DTNB: variants seen among roughly 807,000 people sequenced by gnomAD.
DTNB encodes the protein DTN-B.
A neutral mutation model predicts 90.7 loss-of-function variants in DTNB; 63 were observed. The observed-to-expected ratio is 0.69, with a 90% CI of 0.57 to 0.86. The LOEUF is 0.86. Among genes scored for constraint, DTNB ranks in the 40% least tolerant of loss-of-function variants. The probability of loss-of-function intolerance (pLI) is 0.00; values close to 1 mark genes in which losing one functional copy is unlikely to be tolerated. For synonymous variants in DTNB, 277 were observed against 286.7 expected (o/e 0.97, Z 0.34); for missense variants, 744 against 807.1 (o/e 0.92, Z 0.95).
intron 9 of DTNB, chr2:25,497,266 C>T (rs1412891406): frequency 6.6e-6 from 1 of 152,212 alleles, no homozygotes; most frequent in Non-Finnish European, 1.5e-5. Context: ...AGTGTAGGTA[C>T]TGCTCATTGG....
At chr2:25,436,154 G>A (rs1323528023) in intron 12 of DTNB, among the ~76,000 whole-genome samples, 2 of 152,316 alleles carry the variant, frequency 1.3e-5, no homozygotes, top group South Asian at 2.1e-4. Flanking sequence ...GGCCAACATG[G>A]TGAAACCTTG....
intron 4 of DTNB, 24 bp downstream of exon 4, chr2:25,628,147 C>G (rs372348646): frequency 3.7e-6 from 6 of 1,603,804 alleles, no homozygotes; most frequent in South Asian, 3.3e-5. Flanking sequence ...ATGAAGTAAG[C>G]GTGTAAGGTA....
intron 14 of DTNB, among the ~76,000 whole-genome samples, chr2:25,430,135 A>G (rs1042294379): frequency 1.3e-5 from 2 of 152,168 alleles, no homozygotes; most frequent in Non-Finnish European, 2.9e-5. Flanking sequence ...TAGGTATTAT[A>G]TATGTAAAAT....
At chr2:25,565,039 T>A (rs866699149) in intron 8 of DTNB, among the ~76,000 whole-genome samples, 6 of 152,212 alleles carry the variant, frequency 3.9e-5, no homozygotes, top group African/African-American at 1.4e-4. Flanking sequence ...TACAAGATCA[T>A]GTCATCTGTG....
At chr2:25,567,120 C>T (rs2059158156) in intron 8 of DTNB, among the ~76,000 whole-genome samples, 2 of 152,150 alleles carry the variant, frequency 1.3e-5, no homozygotes, top group African/African-American at 4.8e-5. Flanking sequence ...TATGTCTTAG[C>T]TCTTGCTTGC....
intron 3 of DTNB, among the ~76,000 whole-genome samples, chr2:25,638,373 A>G (rs1317586083): frequency 6.6e-6 from 1 of 152,240 alleles, no homozygotes; most frequent in Non-Finnish European, 1.5e-5. Flanking sequence ...ATAAATAAAT[A>G]AAAACTAAAA....
At chr2:25,671,687 ACT>A (rs890904879) in intron 1 of DTNB, among the ~76,000 whole-genome samples, 2 of 151,994 alleles carry the variant, frequency 1.3e-5, no homozygotes, top group African/African-American at 4.8e-5. Context: ...ACATCCAAAA[ACT>A]CTGCCAGCAC....
At chr2:25,633,667 C>G (rs2076301400) in intron 3 of DTNB, among the ~76,000 whole-genome samples, 1 of 151,420 alleles carries the variant, frequency 6.6e-6, no homozygotes, top group South Asian at 2.1e-4. Flanking sequence ...GCTGCCCAGT[C>G]TGGAAAATGA....
At chr2:25,578,875 A>G (rs1299903697) in intron 7 of DTNB, among the ~76,000 whole-genome samples, 2 of 152,212 alleles carry the variant, frequency 1.3e-5, no homozygotes, top group African/African-American at 2.4e-5. Flanking sequence ...AAACCAAAAA[A>G]AAACCATAAA....
chr2:25,607,431 T>C, intron 4 of DTNB, 110 bp from the exon 5 acceptor site: 2 of 1,010,680 alleles, frequency 2.0e-6, no homozygotes, highest in South Asian at 4.4e-5. Context: ...CCTTGTCTGT[T>C]ACAATTTTAC....
At chr2:25,526,395 A>ATATATATATATATTTTTTT in intron 9 of DTNB, among the ~76,000 whole-genome samples, 7 of 49,828 alleles carry the variant, frequency 1.4e-4, no homozygotes, top group East Asian at 7.6e-4. Context: ...ATATATATAT[A>ATATATATATATATTTTTTT]TTTTTTTTTT....
chr2:25,572,205 C>T (rs2059973516), intron 8 of DTNB, among the ~76,000 whole-genome samples: 2 of 152,160 alleles, frequency 1.3e-5, no homozygotes, highest in Non-Finnish European at 2.9e-5. Flanking sequence ...CGGTGGCTCA[C>T]GCCTGTAATC....
chr2:25,415,872 G>A (rs1273976408), intron 16 of DTNB, among the ~76,000 whole-genome samples: 1 of 152,154 alleles, frequency 6.6e-6, no homozygotes, highest in African/African-American at 2.4e-5. Flanking sequence ...GGTCACCTGT[G>A]CCCTTATAAT....
intron 8 of DTNB, among the ~76,000 whole-genome samples, chr2:25,534,509 C>A (rs1186065328): frequency 6.6e-6 from 1 of 152,096 alleles, no homozygotes; most frequent in Admixed American, 6.5e-5. Context: ...TCTCAGTGGT[C>A]GCTGTCTCTT....
chr2:25,640,754 C>A (rs898002937), intron 2 of DTNB, among the ~76,000 whole-genome samples: 1 of 152,042 alleles, frequency 6.6e-6, no homozygotes, highest in African/African-American at 2.4e-5. Flanking sequence ...TGCCTGTAAT[C>A]CCAGCACTTT....
chr2:25,524,347 A>T (rs183297580), intron 9 of DTNB, among the ~76,000 whole-genome samples: 1 of 152,244 alleles, frequency 6.6e-6, no homozygotes, highest in East Asian at 1.9e-4. Context: ...AGTCAAACTA[A>T]ATAGGATTAA....
chr2:25,568,061 A>T (rs1559060167), intron 8 of DTNB, among the ~76,000 whole-genome samples: 1 of 151,972 alleles, frequency 6.6e-6, no homozygotes, highest in Non-Finnish European at 1.5e-5. Flanking sequence ...GGGAGGCTGA[A>T]GCAGGAGAAT....
At chr2:25,397,007 T>A (rs1292310643) in intron 16 of DTNB, among the ~76,000 whole-genome samples, 1 of 151,914 alleles carries the variant, frequency 6.6e-6, no homozygotes, top group African/African-American at 2.4e-5. Context: ...CTTTAAGCCA[T>A]CTACGGAATA....
intron 4 of DTNB, among the ~76,000 whole-genome samples, chr2:25,614,058 C>T (rs1292852829): frequency 1.3e-5 from 2 of 152,166 alleles, no homozygotes; most frequent in Non-Finnish European, 2.9e-5. Flanking sequence ...ATATAATTCA[C>T]TATCTCAACA....
Sources: gnomAD v4.1 joint callset for allele counts (sites outside exome capture counted in the v4.1 genomes callset) on GRCh38, gnomAD v4.1.1 for gene constraint, MANE v1.5 for transcripts, NCBI Gene and HGNC (gene_info 2026-07-23, HGNC 2026-07-21) for gene names.